Variants in CFAP47 observed in about 807,000 individuals in gnomAD.
CFAP47 encodes cilia- and flagella-associated protein 47.
In CFAP47, 29 loss-of-function variants were observed where a neutral mutation model predicts 148.1. The ratio of observed to expected loss-of-function variants is 0.20; its 90% CI spans 0.15 to 0.27. The LOEUF (loss-of-function observed/expected upper bound fraction) is 0.27, where lower values mean the gene tolerates loss of function less well. Ranked by LOEUF, CFAP47 falls within the 10% of genes least tolerant of loss-of-function variation. CFAP47 has a pLI of 1.00. For synonymous variants in CFAP47, 664 were observed against 577.3 expected (o/e 1.15, Z -2.15); for missense variants, 1,872 against 1,697.5 (o/e 1.10, Z -1.81).
At chrX:36,165,100 A>T (rs1354281417) in intron 39 of CFAP47, among the ~76,000 whole-genome samples, 1 of 111,932 alleles carries the variant, frequency 8.9e-6, no homozygotes, top group Non-Finnish European at 1.9e-5. Flanking sequence ...CTCCAGGTTC[A>T]TCCACGTTGT....
chrX:36,349,954 A>G, intron 58 of CFAP47, 84 bp from the exon 59 acceptor site: 1 of 557,423 alleles, frequency 1.8e-6, no homozygotes, highest in African/African-American at 2.3e-5. Context: ...TTACTAAAAT[A>G]CCATAAAGTT....
intron 49 of CFAP47, among the ~76,000 whole-genome samples, chrX:36,270,561 A>G (rs1940947007): frequency 9.6e-6 from 1 of 104,199 alleles, no homozygotes; most frequent in Non-Finnish European, 1.9e-5. Flanking sequence ...ATATATATAT[A>G]TATATGATAC....
At chrX:36,285,960 C>A (rs972131272) in intron 51 of CFAP47, among the ~76,000 whole-genome samples, 15 of 111,562 alleles carry the variant, frequency 1.3e-4, no homozygotes, top group Admixed American at 1.9e-4. Flanking sequence ...GATTAGCATT[C>A]TATCTGTTTC....
intron 22 of CFAP47, among the ~76,000 whole-genome samples, chrX:36,027,952 CT>C (rs142124797): frequency 9.0e-6 from 1 of 111,328 alleles, no homozygotes; most frequent in East Asian, 2.8e-4. Flanking sequence ...GCATGTTTGT[CT>C]TTTTTTGAGA....
chrX:36,304,454 A>G (rs1941330259), intron 54 of CFAP47, among the ~76,000 whole-genome samples: 1 of 111,358 alleles, frequency 9.0e-6, no homozygotes, highest in South Asian at 3.7e-4. Context: ...TTTATCTACA[A>G]AACAATATCA....
Position 35,989,945 on chromosome X carries a change from A to G in CFAP47, c.2844+496A>G, listed in dbSNP as rs765678463. Reference sequence around the variant, plus strand: ...TTTAGCCTCAAGAGATGAGAAATTCATCTACTTTTAGTGATGGCAAGTGAC... The same window carrying G: ...TTTAGCCTCAAGAGATGAGAAATTCGTCTACTTTTAGTGATGGCAAGTGAC... On this transcript the variant is annotated intron_variant, in intron 16 of 63. Coordinates refer to ENST00000378653, the MANE Select transcript of CFAP47 (RefSeq NM_001304548.2). 30 of 115,112 alleles carry G rather than the reference A, an allele frequency of 2.6e-4. No individual in the cohort carries two copies. The South Asian group carries it at 0.01, about 39-fold the overall frequency. 9.5% of individuals were successfully genotyped at this position (115,112 alleles called of 1,213,427 possible).
chrX:35,984,956 C>T (rs956733138), intron 15 of CFAP47, among the ~76,000 whole-genome samples: 1 of 111,136 alleles, frequency 9.0e-6, no homozygotes, highest in Non-Finnish European at 1.9e-5. Flanking sequence ...CTGTTAGGTC[C>T]ATTTGGTTAG....
At chrX:36,007,362 A>G (rs1208209945) in intron 21 of CFAP47, among the ~76,000 whole-genome samples, 1 of 112,325 alleles carries the variant, frequency 8.9e-6, no homozygotes, top group East Asian at 2.8e-4. Context: ...ATTCATAAAC[A>G]TGTCTGTCTA....
rs1359126334 is a variant in CFAP47 at position 35,982,937 on chromosome X, T to C, written c.2714-6382T>C. Among the ~76,000 whole-genome samples, 5 of 111,941 alleles carry C rather than the reference T, an allele frequency of 4.5e-5. No homozygotes were observed. The Admixed American group carries it at 4.7e-4, about 11-fold the overall frequency. On this transcript the variant is annotated intron_variant, in intron 15 of 63. Transcript: ENST00000378653. ...TTTTGGTTAGGATTGTCTTGGCTATTTGGGCTCTTTTTATGGTTCCATATG... is the reference window on the plus strand; with the variant it reads ...TTTTGGTTAGGATTGTCTTGGCTATCTGGGCTCTTTTTATGGTTCCATATG...
chrX:36,304,968 G>A (rs1556008558), intron 54 of CFAP47, among the ~76,000 whole-genome samples: 1 of 111,589 alleles, frequency 9.0e-6, no homozygotes, highest in African/African-American at 3.3e-5. Flanking sequence ...TTTATCAAGG[G>A]ACTTCAAAGT....
intron 28 of CFAP47, among the ~76,000 whole-genome samples, 191 bp downstream of exon 28, chrX:36,072,162 A>G (rs953670907): frequency 4.5e-5 from 5 of 112,122 alleles, no homozygotes; most frequent in Admixed American, 1.9e-4. Flanking sequence ...GAGATTCTCT[A>G]ATGTTCTTGG....
intron 36 of CFAP47, among the ~76,000 whole-genome samples, chrX:36,146,614 G>A (rs1341201188): frequency 9.0e-6 from 1 of 111,000 alleles, no homozygotes; most frequent in Non-Finnish European, 1.9e-5. Context: ...TTAGTGATTT[G>A]GAAATTGCTG....
At chrX:36,093,868 T>C (rs1938229763) in intron 30 of CFAP47, among the ~76,000 whole-genome samples, 3 of 111,173 alleles carry the variant, frequency 2.7e-5, no homozygotes, top group Admixed American at 1.9e-4. Context: ...GATTGTTTCC[T>C]TTGCTGTGCA....
At chrX:36,201,632 G>A (rs1389731199) in intron 44 of CFAP47, 132 bp downstream of exon 44, 2 of 279,536 alleles carry the variant, frequency 7.2e-6, no homozygotes, top group East Asian at 5.0e-5. Context: ...AATGAGTACC[G>A]AAGGACAGCT....
chrX:36,235,098 G>A (rs781847718), intron 46 of CFAP47, among the ~76,000 whole-genome samples: 5 of 111,489 alleles, frequency 4.5e-5, no homozygotes, highest in East Asian at 2.9e-4. Context: ...TAGTCTGCCC[G>A]TTCTCAGATC....
At chrX:36,298,618 T>C (rs1329409347) in intron 51 of CFAP47, among the ~76,000 whole-genome samples, 1 of 111,609 alleles carries the variant, frequency 9.0e-6, no homozygotes, top group East Asian at 2.8e-4. Flanking sequence ...TTATGTGCAA[T>C]AAAGTTTGAG....
Position 36,295,008 on chromosome X carries a change from T to C in CFAP47, c.7687-3969T>C, listed in dbSNP as rs782524515. Among the ~76,000 whole-genome samples, 6 of 112,097 alleles carry C rather than the reference T, an allele frequency of 5.4e-5. No homozygotes were observed. In the South Asian group the frequency reaches 2.2e-3, roughly 42 times the overall value. On this transcript the variant is annotated intron_variant, in intron 51 of 63. Coordinates refer to ENST00000378653, the MANE Select transcript of CFAP47 (RefSeq NM_001304548.2). ...TTCACGGGATTAAATATGCATTGTT[T>C]AGTCCTCTTGTAAAGGAGTCTGAGA...
chrX:36,079,448 T>A (rs1419980350), intron 29 of CFAP47, among the ~76,000 whole-genome samples: 1 of 111,597 alleles, frequency 9.0e-6, no homozygotes, highest in Non-Finnish European at 1.9e-5. Context: ...ACTGATACCC[T>A]TTCTTCCACT....
At chrX:36,076,815 G>T (rs759855289) in intron 29 of CFAP47, among the ~76,000 whole-genome samples, 40 of 110,593 alleles carry the variant, frequency 3.6e-4, no homozygotes, top group African/African-American at 1.3e-3. Flanking sequence ...CTTTCCCAAG[G>T]CCAATGTCCA....
Sources: gnomAD v4.1 joint callset for allele counts (sites outside exome capture counted in the v4.1 genomes callset) on GRCh38, gnomAD v4.1.1 for gene constraint, MANE v1.5 for transcripts, NCBI Gene and HGNC (gene_info 2026-07-23, HGNC 2026-07-21) for gene names.